The following SLC9B2 variants were observed in gnomAD, a reference collection of about 807,000 sequenced individuals.
SLC9B2 encodes the protein sodium/hydrogen exchanger 9B2.
In SLC9B2, 39 loss-of-function variants were observed where a neutral mutation model predicts 52.2. That is an observed-to-expected ratio of 0.75 (90% confidence interval 0.58 to 0.98). SLC9B2 has a LOEUF of 0.98. Among genes scored for constraint, SLC9B2 ranks in the 50% least tolerant of loss-of-function variants. SLC9B2 has a pLI of 0.00. For missense variants in SLC9B2, 626 were observed against 637.5 expected (o/e 0.98, Z 0.19); for synonymous variants, 214 against 227.0 (o/e 0.94, Z 0.51).
intron 9 of SLC9B2, among the ~76,000 whole-genome samples, chr4:103,036,974 A>G (rs1223979168): frequency 6.6e-6 from 1 of 152,172 alleles, no homozygotes; most frequent in Admixed American, 6.5e-5. Context: ...ACAATGAAAA[A>G]AAAATCAATT....
chr4:103,020,065 G>A (rs72665016), downstream of SLC9B2: 5,518 of 341,604 alleles, frequency 0.016, 65 homozygotes, highest in Middle Eastern at 0.049. Flanking sequence ...AGCTTAAACT[G>A]CAGCGCTGTC....
intron 7 of SLC9B2, 71 bp downstream of exon 7, chr4:103,046,980 C>T (rs1201001381): frequency 1.2e-5 from 18 of 1,505,226 alleles, no homozygotes; most frequent in Non-Finnish European, 1.6e-5. Flanking sequence ...GCAAATATGT[C>T]ATGCTTATAA....
chr4:103,029,217 T>G (rs1742485261), intron 10 of SLC9B2, among the ~76,000 whole-genome samples: 1 of 152,144 alleles, frequency 6.6e-6, no homozygotes, highest in African/African-American at 2.4e-5. Flanking sequence ...ATGATATGAT[T>G]AAATGATAAG....
At chr4:103,030,140 G>A (rs1330745538) in intron 10 of SLC9B2, among the ~76,000 whole-genome samples, 1 of 152,108 alleles carries the variant, frequency 6.6e-6, no homozygotes, top group Non-Finnish European at 1.5e-5. Context: ...AACGTTAACA[G>A]GACATACAAG....
intron 6 of SLC9B2, 22 bp downstream of exon 6, chr4:103,048,871 A>G (rs750409548): frequency 6.2e-7 from 1 of 1,611,080 alleles, no homozygotes; most frequent in South Asian, 1.1e-5. Context: ...ATATTTTCAT[A>G]TGACAAAGAA....
intron 3 of SLC9B2, among the ~76,000 whole-genome samples, chr4:103,064,051 G>A (rs1464200255): frequency 6.6e-6 from 1 of 152,208 alleles, no homozygotes; most frequent in Non-Finnish European, 1.5e-5. Context: ...TGGTGGGAAT[G>A]TAAATTAATA....
At chr4:103,056,543 C>T (rs13149311) in intron 4 of SLC9B2, among the ~76,000 whole-genome samples, 57,799 of 152,094 alleles carry the variant, frequency 0.38, 10,946 homozygotes, top group Middle Eastern at 0.44. Flanking sequence ...CCACCATGAT[C>T]GGCCAATATT....
At chr4:103,046,207 C>T (rs1055924025) in intron 7 of SLC9B2, among the ~76,000 whole-genome samples, 2 of 152,106 alleles carry the variant, frequency 1.3e-5, no homozygotes, top group Non-Finnish European at 2.9e-5. Context: ...GATGTGTTCC[C>T]ACTACAGAAT....
chr4:103,042,143 A>T lies in SLC9B2; in HGVS notation c.1146+1153T>A, dbSNP rs565068939. The stretch of plus-strand genomic sequence containing the variant: ...TATTTACCCACAGTGAATGCTGTCT[A>T]TGGAAGATCCCCACAGAGATCCACT... On this transcript the variant is annotated intron_variant, in intron 9 of 11. Transcript: ENST00000394785. 19 of 152,276 alleles carry T rather than the reference A, an allele frequency of 1.2e-4. No homozygotes were observed. In the South Asian group the frequency reaches 3.9e-3, roughly 32 times the overall value. 9.4% of individuals were successfully genotyped at this position (152,276 alleles called of 1,614,324 possible).
Position 103,026,399 on chromosome 4 carries a change from C to A in SLC9B2, c.1585G>T (p.Val529Phe). 1 of 1,613,242 alleles carries A rather than the reference C, an allele frequency of 6.2e-7. No homozygotes were observed. The highest frequency in any genetic ancestry group is 8.5e-7 in the Non-Finnish European group (1 of 1,179,466). Reference sequence around the variant, plus strand: ...ACTTGCACAGAAGTCTCTCCTTGAACTTCTTCATCTTTATTTTGATGTTCA... The same window carrying A: ...ACTTGCACAGAAGTCTCTCCTTGAAATTCTTCATCTTTATTTTGATGTTCA... ...KVEHQNKDEE[V>F]QGETSVQV is the part of the protein sequence containing the mutation. The change falls in exon 12 of 12, where the codon GTT becomes TTT. Residue 529 changes from valine to phenylalanine, a missense_variant. Coordinates refer to ENST00000394785, the MANE Select transcript of SLC9B2 (RefSeq NM_178833.7).
rs1259960769 is a variant in SLC9B2, at chr4:103,023,656, C to A, written c.*2714G>T. 6.6e-6 allele frequency among the ~76,000 whole-genome samples: 1 copy of A among 152,178 alleles called. No individual in the cohort carries two copies. Among genetic ancestry groups the A allele is most frequent in the African/African-American group, 2.4e-5 (1 of 41,448 alleles). ...ATTTCAGAGATCCAATAGAGGAAGT[C>A]AAAAAGCCAGCACTGGGCAGTCACA... On this transcript the variant is annotated 3_prime_UTR_variant, in exon 12 of 12. Coordinates refer to ENST00000394785, the MANE Select transcript of SLC9B2 (RefSeq NM_178833.7).
chr4:103,072,876 G>A (rs1247581156), intron 1 of SLC9B2, among the ~76,000 whole-genome samples: 3 of 152,172 alleles, frequency 2.0e-5, no homozygotes, highest in Non-Finnish European at 2.9e-5. Flanking sequence ...GGTATTAAGA[G>A]GGAGGTACTT....
rs933048984 is a variant in SLC9B2, at chr4:103,026,164, GA to G, written c.*205del. ...TAAGATGGATGATGAAGGGGTGTTT[GA>G]AAAAAAAGGCAGAGAGATTAAGGTT... On this transcript the variant is annotated 3_prime_UTR_variant, in exon 12 of 12. Coordinates refer to ENST00000394785, the MANE Select transcript of SLC9B2 (RefSeq NM_178833.7). 1.1e-4 allele frequency: 53 copies of G among 481,040 alleles called. No homozygotes were observed. Among genetic ancestry groups the G allele is most frequent in the East Asian group, 1.6e-4 (5 of 30,594 alleles). The allele number at this position is 481,040 out of a possible 1,614,324, so 29.8% of individuals were successfully genotyped here.
chr4:103,026,952 A>C (rs1191618003), intron 11 of SLC9B2, among the ~76,000 whole-genome samples: 1 of 152,114 alleles, frequency 6.6e-6, no homozygotes, highest in Non-Finnish European at 1.5e-5. Flanking sequence ...TGTGTTGCCC[A>C]GACTGGTCTT....
intron 3 of SLC9B2, among the ~76,000 whole-genome samples, chr4:103,059,931 T>A (rs1266692616): frequency 6.6e-6 from 1 of 152,160 alleles, no homozygotes; most frequent in Non-Finnish European, 1.5e-5. Flanking sequence ...TGTTAAATTC[T>A]AGGTTGAGTG....
intron 4 of SLC9B2, among the ~76,000 whole-genome samples, chr4:103,056,691 A>C (rs1301233136): frequency 6.6e-6 from 1 of 152,272 alleles, no homozygotes; most frequent in Non-Finnish European, 1.5e-5. Flanking sequence ...TTACAAATAT[A>C]CAACCATCTT....
rs1383797863 is a variant in SLC9B2, at chr4:103,023,509, G to C, written c.*2861C>G. Among the ~76,000 whole-genome samples the C allele has an allele frequency of 3.3e-5, 5 of 152,172 alleles. No homozygotes were observed. The highest frequency in any genetic ancestry group is 4.4e-5 in the Non-Finnish European group (3 of 68,044). On this transcript the variant is annotated 3_prime_UTR_variant, in exon 12 of 12. Coordinates refer to ENST00000394785, the MANE Select transcript of SLC9B2 (RefSeq NM_178833.7). ...TGACAAACCCCGGCCTTCACATGGT[G>C]AGCCCTGCTGAATGGTCAGCCTCTG...
Position 103,044,552 on chromosome 4 carries a change from T to C in SLC9B2, c.996+338A>G, listed in dbSNP as rs987229146. 9.2e-5 allele frequency among the ~76,000 whole-genome samples: 14 copies of C among 152,152 alleles called. No individual in the cohort carries two copies. The South Asian group carries it at 1.9e-3, about 20-fold the overall frequency. ...GCTAGAATCTAAGGTATTTTGATACTAAAAAAGGGCACAAAAAAGCTATTA... is the reference window on the plus strand; with the variant it reads ...GCTAGAATCTAAGGTATTTTGATACCAAAAAAGGGCACAAAAAAGCTATTA... On this transcript the variant is annotated intron_variant, in intron 8 of 11. Coordinates refer to ENST00000394785, the MANE Select transcript of SLC9B2 (RefSeq NM_178833.7).
At position 103,026,485 on chromosome 4, in the gene SLC9B2, A is replaced by T. The variant is rs1365791115; in HGVS notation, c.1499T>A (p.Ile500Asn). 2 of 1,613,814 alleles carry T rather than the reference A, an allele frequency of 1.2e-6. No homozygotes were observed. Among genetic ancestry groups the T allele is most frequent in the African/African-American group, 2.7e-5 (2 of 74,892 alleles). The change falls in exon 12 of 12, where the codon ATC (isoleucine) becomes AAC (asparagine). Residue 500 changes from isoleucine to asparagine, a missense_variant. Transcript: ENST00000394785. ...VLTVAFLSILITAPIGSLLIG... is the reference protein window; with the variant it reads ...VLTVAFLSILNTAPIGSLLIG... ...AAGCAGACTTCCAATTGGGGCTGTG[A>T]TGAGGATGGACAAAAATGCCACTGT...
Sources: gnomAD v4.1 joint callset for allele counts (sites outside exome capture counted in the v4.1 genomes callset) on GRCh38, gnomAD v4.1.1 for gene constraint, MANE v1.5 for transcripts, NCBI Gene and HGNC (gene_info 2026-07-23, HGNC 2026-07-21) for gene names.